The following LRRC28 variants were observed in gnomAD, a reference collection of about 807,000 sequenced individuals.
LRRC28 encodes the protein leucine-rich repeat-containing protein 28.
LRRC28 carries 39 observed loss-of-function variants against 45.7 expected under a neutral mutation model. The observed-to-expected ratio is 0.85, with a 90% CI of 0.66 to 1.12. LRRC28 has a LOEUF of 1.12. LRRC28 is among the 50% of genes most tolerant of loss of function. The pLI is 0.00. For synonymous variants in LRRC28, 206 were observed against 178.8 expected, an observed-to-expected ratio of 1.15 and a Z score of -1.22; for missense variants, 435 against 438.5, an observed-to-expected ratio of 0.99 and a Z score of 0.07.
intron 6 of LRRC28, among the ~76,000 whole-genome samples, chr15:99,341,788 C>T (rs962428017): frequency 2.0e-5 from 3 of 152,100 alleles, no homozygotes; most frequent in Admixed American, 1.3e-4. Flanking sequence ...TTGTTGTTCT[C>T]GTTCTAGAAC....
intron 9 of LRRC28, among the ~76,000 whole-genome samples, chr15:99,373,025 C>T (rs1464283012): frequency 6.6e-6 from 1 of 151,968 alleles, no homozygotes; most frequent in African/African-American, 2.4e-5. Flanking sequence ...GTAACCACCC[C>T]CCCATGATTT....
chr15:99,259,086 A>C, intron 2 of LRRC28: 1 of 1,145,300 alleles, frequency 8.7e-7, no homozygotes, highest in Non-Finnish European at 1.3e-6. Flanking sequence ...TTTGGTACCA[A>C]CATTAAGCTT....
At chr15:99,302,273 C>T (rs896438634) in intron 5 of LRRC28, among the ~76,000 whole-genome samples, 1 of 152,124 alleles carries the variant, frequency 6.6e-6, no homozygotes, top group Non-Finnish European at 1.5e-5. Context: ...ATGATCTGCC[C>T]GCCTCGGCCT....
rs535099477 is a variant in LRRC28, at chr15:99,339,622, T to C, written c.592+5493T>C. On this transcript the variant is annotated intron_variant, in intron 6 of 9. Transcript: ENST00000301981. ...GGCAGACACTTGCAATCCCAGCTACTGGTGAGGCTGAGGCCCCAAAATCGC... is the reference window on the plus strand; with the variant it reads ...GGCAGACACTTGCAATCCCAGCTACCGGTGAGGCTGAGGCCCCAAAATCGC... Among the ~76,000 whole-genome samples the C allele has an allele frequency of 1.1e-4, 17 of 151,350 alleles. 1 individual carries two copies. The South Asian group carries it at 2.9e-3, about 26-fold the overall frequency.
At position 99,388,115 on chromosome 15, in the gene LRRC28, A is replaced by G. The variant is rs1377643043; in HGVS notation, c.*2013A>G. On this transcript the variant is annotated 3_prime_UTR_variant, in exon 10 of 10. Coordinates refer to ENST00000301981, the MANE Select transcript of LRRC28 (RefSeq NM_144598.5). Reference sequence around the variant, plus strand: ...ATGTAACACTTTCATCCTTTGGAATAATTGAAGTTTAACATAACCTCTACA... The same window carrying G: ...ATGTAACACTTTCATCCTTTGGAATGATTGAAGTTTAACATAACCTCTACA... 2.6e-5 allele frequency: 4 copies of G among 152,264 alleles called. No individual in the cohort carries two copies. Among genetic ancestry groups the G allele is most frequent in the Non-Finnish European group, 5.9e-5 (4 of 68,046 alleles). 9.4% of individuals were successfully genotyped at this position (152,264 alleles called of 1,614,324 possible). A position where few individuals can be genotyped will look rare whatever the true frequency, so the allele number is the denominator to read the frequency against.
Position 99,387,789 on chromosome 15 carries a change from CTT to C in LRRC28, c.*1688_*1689del, listed in dbSNP as rs780062004. ...AAAATTATTTTTTTTTAATTTCAGA[CTT>C]ATCAAAAATTTGGTTGAGGGAATTT... is the stretch of plus-strand genomic sequence containing the variant. On this transcript the variant is annotated 3_prime_UTR_variant, in exon 10 of 10. Coordinates refer to ENST00000301981, the MANE Select transcript of LRRC28 (RefSeq NM_144598.5). The C allele has an allele frequency of 4.6e-5, 7 of 151,972 alleles. No homozygotes were observed. The highest frequency in any genetic ancestry group is 2.1e-4 in the South Asian group (1 of 4,820). The allele number at this position is 151,972 out of a possible 1,614,324, so 9.4% of individuals were successfully genotyped here.
chr15:99,270,531 A>C (rs1237947958), intron 2 of LRRC28, among the ~76,000 whole-genome samples: 1 of 152,050 alleles, frequency 6.6e-6, no homozygotes, highest in Non-Finnish European at 1.5e-5. Flanking sequence ...CAAAATATGA[A>C]ACTTTGTGTA....
At chr15:99,360,481 T>G (rs1454142996) in intron 7 of LRRC28, among the ~76,000 whole-genome samples, 2 of 152,134 alleles carry the variant, frequency 1.3e-5, no homozygotes, top group Non-Finnish European at 2.9e-5. Flanking sequence ...TCTGGAAATG[T>G]TTTCTGATGG....
chr15:99,307,765 G>A (rs769607257), intron 5 of LRRC28, among the ~76,000 whole-genome samples: 7 of 152,118 alleles, frequency 4.6e-5, no homozygotes, highest in Non-Finnish European at 7.4e-5. Context: ...GTTTTAAAGC[G>A]AAACTAAAGA....
chr15:99,263,276 G>A (rs574641259), intron 2 of LRRC28, among the ~76,000 whole-genome samples: 5 of 141,614 alleles, frequency 3.5e-5, no homozygotes, highest in Non-Finnish European at 6.0e-5. Context: ...CCAACATCAC[G>A]CCACTCCACG....
At chr15:99,288,563 G>A (rs1426680612) in intron 5 of LRRC28, among the ~76,000 whole-genome samples, 1 of 151,722 alleles carries the variant, frequency 6.6e-6, no homozygotes, top group Admixed American at 6.6e-5. Flanking sequence ...TGTATTTTTG[G>A]TAGAGATAGG....
At chr15:99,376,339 G>C (rs2152337569) in intron 9 of LRRC28, among the ~76,000 whole-genome samples, 1 of 152,170 alleles carries the variant, frequency 6.6e-6, no homozygotes, top group Non-Finnish European at 1.5e-5. Flanking sequence ...TATAGTCAAA[G>C]AACATACTCT....
At chr15:99,281,418 G>A (rs2081787624) in intron 3 of LRRC28, among the ~76,000 whole-genome samples, 2 of 151,360 alleles carry the variant, frequency 1.3e-5, no homozygotes, top group Admixed American at 1.3e-4. Flanking sequence ...TGCCCAGCCT[G>A]TTACTGTATT....
chr15:99,323,746 T>G (rs1955879479), intron 5 of LRRC28, among the ~76,000 whole-genome samples: 1 of 152,232 alleles, frequency 6.6e-6, no homozygotes. Flanking sequence ...ACTGAAAAAT[T>G]AGAAGTAAAT....
At chr15:99,267,320 A>T (rs1048970986) in intron 2 of LRRC28, among the ~76,000 whole-genome samples, 54 of 152,332 alleles carry the variant, frequency 3.5e-4, no homozygotes, top group African/African-American at 1.1e-3. Flanking sequence ...AAGGATCAGA[A>T]CACCCTGAGG....
intron 2 of LRRC28, 86 bp downstream of exon 2, chr15:99,256,211 C>A: frequency 9.6e-7 from 1 of 1,045,880 alleles, no homozygotes; most frequent in Non-Finnish European, 1.3e-6. Flanking sequence ...GGTATTCAGA[C>A]CAAGACTTAT....
intron 2 of LRRC28, among the ~76,000 whole-genome samples, chr15:99,275,007 GA>G (rs76523141): frequency 0.096 from 14,555 of 151,334 alleles, 982 homozygotes; most frequent in East Asian, 0.32. Context: ...GAATGTAAAT[GA>G]AAAAAAAATT....
At chr15:99,284,620 T>G (rs1268660911) in intron 3 of LRRC28, 5 of 510,206 alleles carry the variant, frequency 9.8e-6, no homozygotes, top group African/African-American at 1.9e-5. Flanking sequence ...CTGGCAGTAA[T>G]TAAAATCTTC....
intron 6 of LRRC28, chr15:99,338,081 G>A (rs956664039): frequency 1.3e-5 from 2 of 152,200 alleles, no homozygotes; most frequent in African/African-American, 4.8e-5. Context: ...AGACCTCTGT[G>A]TGAGGTCACT....
Sources: allele counts gnomAD v4.1 joint callset (sites outside exome capture counted in the v4.1 genomes callset), GRCh38; gene constraint gnomAD v4.1.1; transcripts MANE v1.5; gene names NCBI Gene and HGNC (gene_info 2026-07-23, HGNC 2026-07-21).